GRM8: variants seen among roughly 807,000 people sequenced by gnomAD.
GRM8 encodes glutamate metabotropic receptor 8.
In GRM8, 47 loss-of-function variants were observed where a neutral mutation model predicts 87.2. That is an observed-to-expected ratio of 0.54 (90% CI 0.43 to 0.69). The LOEUF is 0.69. GRM8 is among the 30% of genes least tolerant of loss of function. GRM8 has a pLI of 0.00. For synonymous variants in GRM8, 396 were observed against 404.5 expected (o/e 0.98, Z 0.25); for missense variants, 1,019 against 1,139.2 (o/e 0.89, Z 1.52).
intron 6 of GRM8, among the ~76,000 whole-genome samples, chr7:126,834,553 C>T (rs1332909833): frequency 6.6e-6 from 1 of 152,066 alleles, no homozygotes; most frequent in Non-Finnish European, 1.5e-5. Context: ...TAAATGGTTT[C>T]AACTAACAAA....
intron 2 of GRM8, among the ~76,000 whole-genome samples, chr7:127,178,927 A>C (rs1794273849): frequency 1.3e-5 from 2 of 152,162 alleles, no homozygotes; most frequent in South Asian, 4.1e-4. Flanking sequence ...AAACAAAAAT[A>C]CATGTTAAGA....
chr7:127,247,508 C>T (rs1435043567), intron 1 of GRM8, among the ~76,000 whole-genome samples: 1 of 152,046 alleles, frequency 6.6e-6, no homozygotes, highest in African/African-American at 2.4e-5. Context: ...ACTTGCAGCT[C>T]TTTTGGTTGT....
intron 8 of GRM8, among the ~76,000 whole-genome samples, chr7:126,594,756 G>C (rs1351844265): frequency 2.0e-5 from 3 of 152,028 alleles, no homozygotes; most frequent in Admixed American, 2.0e-4. Flanking sequence ...GACTATGTGA[G>C]GTAATGCTTA....
intron 6 of GRM8, among the ~76,000 whole-genome samples, chr7:126,822,276 A>C (rs1794364626): frequency 6.6e-6 from 1 of 152,120 alleles, no homozygotes; most frequent in Admixed American, 6.6e-5. Context: ...TTGTCATTTA[A>C]AGTTTCTTTA....
chr7:126,590,150 G>C (rs1302755162), intron 8 of GRM8, among the ~76,000 whole-genome samples: 7 of 151,254 alleles, frequency 4.6e-5, no homozygotes, highest in Admixed American at 4.6e-4. Flanking sequence ...CGGTATAAGG[G>C]AAAAATCTTC....
At chr7:127,070,542 C>T (rs1586912693) in intron 3 of GRM8, among the ~76,000 whole-genome samples, 1 of 152,138 alleles carries the variant, frequency 6.6e-6, no homozygotes, top group African/African-American at 2.4e-5. Flanking sequence ...CTTGTCCAAG[C>T]AAAGACGCTT....
intron 9 of GRM8, among the ~76,000 whole-genome samples, chr7:126,498,638 T>A (rs1809148489): frequency 6.6e-6 from 1 of 151,994 alleles, no homozygotes; most frequent in African/African-American, 2.4e-5. Flanking sequence ...TTTTGTCTGA[T>A]TAATGAGCTG....
chr7:126,676,342 C>G (rs907547700), intron 7 of GRM8, among the ~76,000 whole-genome samples: 2 of 152,072 alleles, frequency 1.3e-5, no homozygotes, highest in African/African-American at 4.8e-5. Context: ...TATCAAAATA[C>G]CAACATAATT....
At chr7:127,169,853 A>G (rs1187082288) in intron 2 of GRM8, among the ~76,000 whole-genome samples, 1 of 152,210 alleles carries the variant, frequency 6.6e-6, no homozygotes, top group African/African-American at 2.4e-5. Context: ...GAAAATTTTA[A>G]GCCCACTGTT....
At chr7:126,510,463 T>C (rs1811173164) in intron 9 of GRM8, among the ~76,000 whole-genome samples, 1 of 152,060 alleles carries the variant, frequency 6.6e-6, no homozygotes, top group South Asian at 2.1e-4. Context: ...GCTTCATTCT[T>C]GTCAAAGATT....
intron 2 of GRM8, among the ~76,000 whole-genome samples, chr7:127,178,794 G>T (rs1054062578): frequency 6.6e-6 from 1 of 152,148 alleles, no homozygotes; most frequent in African/African-American, 2.4e-5. Flanking sequence ...AATGCTGAGA[G>T]AATTCACCTA....
chr7:127,238,572 C>A (rs549590936), intron 2 of GRM8, among the ~76,000 whole-genome samples: 5 of 152,256 alleles, frequency 3.3e-5, no homozygotes, highest in Non-Finnish European at 5.9e-5. Flanking sequence ...GAGGCAACAG[C>A]AGTATGAACC....
intron 7 of GRM8, among the ~76,000 whole-genome samples, chr7:126,652,338 T>C (rs1292840610): frequency 6.6e-6 from 1 of 152,148 alleles, no homozygotes; most frequent in African/African-American, 2.4e-5. Flanking sequence ...CAGATGCGTA[T>C]GGGTTCAAGT....
chr7:126,546,643 G>A (rs530690726), intron 8 of GRM8, among the ~76,000 whole-genome samples: 1 of 152,186 alleles, frequency 6.6e-6, no homozygotes, highest in African/African-American at 2.4e-5. Flanking sequence ...AAAATAATTT[G>A]GTAGTAATTT....
chr7:126,652,876 GC>G (rs1189178008), intron 7 of GRM8, among the ~76,000 whole-genome samples: 2 of 151,994 alleles, frequency 1.3e-5, no homozygotes, highest in Non-Finnish European at 2.9e-5. Flanking sequence ...CAGGCTTAAG[GC>G]TAACTCTATA....
intron 3 of GRM8, among the ~76,000 whole-genome samples, chr7:127,020,033 C>A (rs1220275450): frequency 6.6e-6 from 1 of 152,078 alleles, no homozygotes; most frequent in African/African-American, 2.4e-5. Context: ...CAGATCCCAA[C>A]CTAATTAAGT....
chr7:126,670,967 G>C (rs1806313101), intron 7 of GRM8, among the ~76,000 whole-genome samples: 1 of 152,186 alleles, frequency 6.6e-6, no homozygotes, highest in Admixed American at 6.5e-5. Flanking sequence ...TGGCAATATA[G>C]TTGTTTGCAT....
intron 7 of GRM8, among the ~76,000 whole-genome samples, chr7:126,738,437 G>T (rs1234300183): frequency 6.6e-6 from 1 of 152,058 alleles, no homozygotes; most frequent in East Asian, 1.9e-4. Flanking sequence ...AGCAAGTTTA[G>T]TAGTTTAAAC....
At chr7:127,045,313 T>G (rs1818816432) in intron 3 of GRM8, among the ~76,000 whole-genome samples, 1 of 148,786 alleles carries the variant, frequency 6.7e-6, no homozygotes, top group Admixed American at 6.7e-5. Context: ...TATCTGGAGT[T>G]TTTTTTTTTT....
Sources: allele counts gnomAD v4.1 joint callset (sites outside exome capture counted in the v4.1 genomes callset), GRCh38; gene constraint gnomAD v4.1.1; transcripts MANE v1.5; gene names NCBI Gene and HGNC (gene_info 2026-07-23, HGNC 2026-07-21).